The following COL4A3 variants were observed in gnomAD, a reference collection of about 807,000 sequenced individuals.
The protein encoded by COL4A3 is collagen type IV alpha 3 chain, also known as collagen alpha-3(IV) chain.
Under a neutral mutation model 217.4 loss-of-function variants are expected in COL4A3, and 135 were observed. The ratio of observed to expected loss-of-function variants is 0.62; its 90% CI spans 0.54 to 0.72. The LOEUF (loss-of-function observed/expected upper bound fraction) is 0.72, where lower values mean the gene tolerates loss of function less well. Among genes scored for constraint, COL4A3 ranks in the 30% least tolerant of loss-of-function variants. The probability of loss-of-function intolerance (pLI) is 0.00; values close to 1 mark genes in which losing one functional copy is unlikely to be tolerated. For synonymous variants in COL4A3, 690 were observed against 736.3 expected, an observed-to-expected ratio of 0.94 and a Z score of 1.02; for missense variants, 1,868 against 2,119.9, an observed-to-expected ratio of 0.88 and a Z score of 2.33.
At position 227,305,080 on chromosome 2, in the gene COL4A3, C is replaced by T. The variant is rs1369973412; in HGVS notation, c.4249C>T (p.Pro1417Ser). The change falls in exon 47 of 52, where the codon CCA becomes TCA. Residue 1417 changes from proline (P) to serine (S), a missense_variant. Physicochemically the swap from Pro to Ser is moderately conservative, Grantham distance 74. Around this residue, in one of 2 missense-constraint regions of COL4A3, gnomAD observed 1,503 missense variants for 1,786.1 expected, o/e 0.84. Transcript: ENST00000396578. Reference protein sequence around the residue: ...EKGNKGSKGEPGPAGSDGLPG... With the variant: ...EKGNKGSKGESGPAGSDGLPG... ...AGGCAACAAAGGTTCTAAAGGAGAGCCAGGTAAACCCCCAGCTTGTTTCCT... is the reference window on the plus strand; with the variant it reads ...AGGCAACAAAGGTTCTAAAGGAGAGTCAGGTAAACCCCCAGCTTGTTTCCT... The T allele has an allele frequency of 6.2e-7, 1 of 1,612,992 alleles. No homozygotes were observed. The highest frequency in any genetic ancestry group is 8.5e-7 in the Non-Finnish European group (1 of 1,179,340).
chr2:227,174,396 CT>C (rs1471846118), intron 1 of COL4A3, among the ~76,000 whole-genome samples: 1 of 152,296 alleles, frequency 6.6e-6, no homozygotes, highest in Non-Finnish European at 1.5e-5. Flanking sequence ...AAAAAGGTCT[CT>C]CTTTTTCTTG....
chr2:227,217,219 G>A (rs2067559016), intron 1 of COL4A3, among the ~76,000 whole-genome samples: 1 of 152,150 alleles, frequency 6.6e-6, no homozygotes, highest in Non-Finnish European at 1.5e-5. Flanking sequence ...CCACTACCAT[G>A]AGAACAGTAT....
At chr2:227,293,801 CCT>C (rs767856689) in intron 38 of COL4A3, 2 of 470,808 alleles carry the variant, frequency 4.2e-6, no homozygotes, top group South Asian at 3.1e-5. Flanking sequence ...TTGTGGGGCC[CCT>C]GTTCTTGGCT....
chr2:227,181,945 C>T (rs1172115577), intron 1 of COL4A3, among the ~76,000 whole-genome samples: 2 of 152,072 alleles, frequency 1.3e-5, no homozygotes, highest in Non-Finnish European at 2.9e-5. Context: ...TAAAATCACC[C>T]TAAATTCTAT....
chr2:227,230,050 CAAAA>C (rs778888378), intron 1 of COL4A3, among the ~76,000 whole-genome samples: 1 of 68,908 alleles, frequency 1.5e-5, no homozygotes. Context: ...GACTCCATCT[CAAAA>C]AAAAAAAAAA....
At chr2:227,304,769 T>A (rs2106273482) in intron 46 of COL4A3, among the ~76,000 whole-genome samples, 1 of 152,348 alleles carries the variant, frequency 6.6e-6, no homozygotes, top group East Asian at 1.9e-4. Flanking sequence ...CTGCATTTAG[T>A]ATCCTCATAG....
At chr2:227,226,343 G>C (rs1453046337) in intron 1 of COL4A3, among the ~76,000 whole-genome samples, 1 of 152,186 alleles carries the variant, frequency 6.6e-6, no homozygotes, top group Non-Finnish European at 1.5e-5. Flanking sequence ...AGTGGGAGAA[G>C]GGGAGGCACA....
chr2:227,207,802 G>C (rs752106224), intron 1 of COL4A3, among the ~76,000 whole-genome samples: 7 of 152,206 alleles, frequency 4.6e-5, no homozygotes, highest in Non-Finnish European at 8.8e-5. Flanking sequence ...GTCCCCTGGT[G>C]GGGGAGAGTT....
At chr2:227,230,343 G>C (rs2068335046) in intron 1 of COL4A3, among the ~76,000 whole-genome samples, 1 of 152,158 alleles carries the variant, frequency 6.6e-6, no homozygotes, top group African/African-American at 2.4e-5. Flanking sequence ...CCTGATGGCA[G>C]GAGGGGGTTT....
Position 227,253,232 on chromosome 2 carries a change from T to C in COL4A3, c.646-64T>C. 1 of 1,331,576 alleles carries C rather than the reference T, an allele frequency of 7.5e-7. No individual in the cohort carries two copies. The highest frequency in any genetic ancestry group is 1.1e-6 in the Non-Finnish European group (1 of 930,916). The allele number at this position is 1,331,576 out of a possible 1,614,324, so 82.5% of individuals were successfully genotyped here. ...TCCCTTACAAATATTGGAACTTTGA[T>C]GGGTTTAGACTATTTATTCATATTT... On this transcript the variant is annotated intron_variant, in intron 11 of 51. Coordinates refer to ENST00000396578, the MANE Select transcript of COL4A3 (RefSeq NM_000091.5). The surrounding 1 kb of genome is among the most constrained non-coding windows in gnomAD (Gnocchi z 4.4).
intron 1 of COL4A3, among the ~76,000 whole-genome samples, chr2:227,216,815 T>G (rs2067545476): frequency 6.6e-6 from 1 of 152,188 alleles, no homozygotes; most frequent in Admixed American, 6.5e-5. Flanking sequence ...TATGTCACTT[T>G]CAGTCTGTTT....
intron 1 of COL4A3, among the ~76,000 whole-genome samples, chr2:227,195,661 A>ATG: frequency 1.2e-5 from 1 of 82,244 alleles, no homozygotes; most frequent in Admixed American, 1.3e-4. Flanking sequence ...CCACATATAT[A>ATG]TATATATGTG....
At chr2:227,262,469 G>A (rs138074796) in intron 20 of COL4A3, among the ~76,000 whole-genome samples, 12 of 152,300 alleles carry the variant, frequency 7.9e-5, no homozygotes, top group African/African-American at 2.9e-4. Flanking sequence ...TCTGTAGATT[G>A]CTTTGGGTAG....
chr2:227,307,269 A>G (rs888289980), intron 47 of COL4A3, among the ~76,000 whole-genome samples: 2 of 152,236 alleles, frequency 1.3e-5, no homozygotes, highest in African/African-American at 4.8e-5. Flanking sequence ...TGTTTATTGT[A>G]GACAATGTTG....
At position 227,304,996 on chromosome 2, in the gene COL4A3, C is replaced by A. The variant is rs1281887494; in HGVS notation, c.4165C>A (p.Pro1389Thr). 4 of 1,613,590 alleles carry A rather than the reference C, an allele frequency of 2.5e-6. No individual in the cohort carries two copies. The highest frequency in any genetic ancestry group is 3.4e-6 in the Non-Finnish European group (4 of 1,179,806). Residue 1389 changes from proline to threonine, a missense_variant, in exon 47 of 52, where the codon CCA becomes ACA. Pro to Thr is a conservative substitution (Grantham distance 38, BLOSUM62 -1). Coordinates refer to ENST00000396578, the MANE Select transcript of COL4A3 (RefSeq NM_000091.5). ...TGGTTTTTGCCTAGGACCCTGTGGG[C>A]CAAGAGGTAAGCCAGGCAAGGATGG... ...GPPGNLGPCGPRGKPGKDGKP... is the reference protein window; with the variant it reads ...GPPGNLGPCGTRGKPGKDGKP...
At chr2:227,293,675 C>T (rs1389533858) in intron 38 of COL4A3, 8 of 482,778 alleles carry the variant, frequency 1.7e-5, no homozygotes, top group Non-Finnish European at 3.4e-5. Flanking sequence ...TTAAACTACA[C>T]TTGATGTTAG....
intron 34 of COL4A3, among the ~76,000 whole-genome samples, chr2:227,285,723 C>T (rs2106183233): frequency 6.6e-6 from 1 of 152,310 alleles, no homozygotes; most frequent in South Asian, 2.1e-4. Flanking sequence ...TTGAAGAATT[C>T]CTTTTGTAAA....
rs765813832 is a variant in COL4A3 at position 227,254,192 on chromosome 2, A to C, written c.828+18A>C. 10 of 1,607,230 alleles carry C rather than the reference A, an allele frequency of 6.2e-6. No individual in the cohort carries two copies. In the Admixed American group the frequency reaches 1.5e-4, roughly 24 times the overall value. ...GACCCTCAGTAGGTTATTTAAAGTT[A>C]TATTGTCCCCATAACACATAAAGTA... On this transcript the variant is annotated intron_variant, in intron 14 of 51. Transcript: ENST00000396578.
chr2:227,189,580 A>G (rs978807962), intron 1 of COL4A3, among the ~76,000 whole-genome samples: 1 of 152,226 alleles, frequency 6.6e-6, no homozygotes, highest in Non-Finnish European at 1.5e-5. Context: ...ATCGGTAAAA[A>G]GCCTGTCCAT....
Sources: allele counts gnomAD v4.1 joint callset (sites outside exome capture counted in the v4.1 genomes callset), GRCh38; gene constraint gnomAD v4.1.1; regional missense constraint gnomAD v4.1.1; non-coding constraint Gnocchi (gnomAD v3.1); transcripts MANE v1.5; gene names NCBI Gene and HGNC (gene_info 2026-07-23, HGNC 2026-07-21).